MCPH1: variants seen among roughly 807,000 people sequenced by gnomAD.
The protein encoded by MCPH1 is microcephalin 1.
A neutral mutation model predicts 84.5 loss-of-function variants in MCPH1; 104 were observed. That is an observed-to-expected ratio of 1.23 (90% CI 1.05 to 1.45). The LOEUF (loss-of-function observed/expected upper bound fraction) is 1.45, where lower values mean the gene tolerates loss of function less well. Ranked by LOEUF, MCPH1 falls within the 40% of genes most tolerant of loss-of-function variation. The pLI, the probability that MCPH1 is intolerant of heterozygous loss-of-function variation, is 0.00. For missense variants in MCPH1, 1,498 were observed against 1,005.7 expected, an observed-to-expected ratio of 1.49 and a Z score of -6.62; for synonymous variants, 514 against 366.8, an observed-to-expected ratio of 1.40 and a Z score of -4.58.
chr8:6,461,547 C>G (rs1806299899), intron 9 of MCPH1, among the ~76,000 whole-genome samples: 2 of 151,092 alleles, frequency 1.3e-5, no homozygotes, highest in Non-Finnish European at 2.9e-5. Context: ...GCCATGTTGG[C>G]CAGGCTGGTT....
intron 12 of MCPH1, among the ~76,000 whole-genome samples, chr8:6,571,653 A>T (rs909316312): frequency 3.9e-5 from 6 of 152,134 alleles, no homozygotes; most frequent in African/African-American, 1.2e-4. Context: ...TTACATTAAG[A>T]TATATTATCT....
At chr8:6,472,347 T>C (rs983397800) in intron 9 of MCPH1, among the ~76,000 whole-genome samples, 2 of 152,246 alleles carry the variant, frequency 1.3e-5, no homozygotes, top group South Asian at 2.1e-4. Context: ...ATATAACTTA[T>C]CAATAGTAAC....
chr8:6,510,599 G>T (rs1814856929), intron 12 of MCPH1, among the ~76,000 whole-genome samples: 1 of 152,150 alleles, frequency 6.6e-6, no homozygotes. Flanking sequence ...TCTTTGTTTT[G>T]GCACTGAAAG....
chr8:6,598,738 T>A (rs1012527277), intron 12 of MCPH1, among the ~76,000 whole-genome samples: 4 of 152,136 alleles, frequency 2.6e-5, no homozygotes, highest in Admixed American at 2.6e-4. Context: ...GCAGTGCGGC[T>A]CCCCCCTGCG....
At position 6,446,681 on chromosome 8, in the gene MCPH1, C is replaced by A. The variant is rs41314193; in HGVS notation, c.1825+1134C>A. On this transcript the variant is annotated intron_variant, in intron 8 of 13. Coordinates refer to ENST00000344683, the MANE Select transcript of MCPH1 (RefSeq NM_024596.5). ...AAAATTCTTTGGTAGTTAAGAATAT[C>A]CTGTTCTGAGGTTTACATTCTCCAT... The A allele has an allele frequency of 5.5e-3, 5,418 of 984,550 alleles. 18 individuals carry two copies. Among genetic ancestry groups the A allele is most frequent in the Non-Finnish European group, 6.3e-3 (5,188 of 829,234 alleles). 61.0% of individuals were successfully genotyped at this position (984,550 alleles called of 1,614,324 possible).
intron 12 of MCPH1, among the ~76,000 whole-genome samples, chr8:6,526,454 G>A (rs1348009887): frequency 6.6e-6 from 1 of 151,446 alleles, no homozygotes; most frequent in Admixed American, 6.6e-5. Flanking sequence ...ACACAGAAAA[G>A]AAAATGAAAT....
chr8:6,494,362 A>G (rs1811002385), intron 11 of MCPH1: 1 of 152,180 alleles, frequency 6.6e-6, no homozygotes, highest in Non-Finnish European at 1.5e-5. Flanking sequence ...GTAAACCTTG[A>G]TATGGGCATT....
At chr8:6,563,099 T>C in intron 12 of MCPH1, 1 of 673,554 alleles carries the variant, frequency 1.5e-6, no homozygotes, top group Non-Finnish European at 2.4e-6. Context: ...ACCTGGTTTT[T>C]ACTGCTGTGT....
intron 12 of MCPH1, among the ~76,000 whole-genome samples, chr8:6,594,281 C>T (rs773708600): frequency 2.6e-5 from 4 of 152,168 alleles, no homozygotes; most frequent in African/African-American, 4.8e-5. Context: ...TTCAGCAGAG[C>T]GCCATGAGCC....
intron 13 of MCPH1, among the ~76,000 whole-genome samples, chr8:6,624,678 A>AT (rs560951141): frequency 9.9e-5 from 15 of 152,004 alleles, no homozygotes; most frequent in African/African-American, 1.9e-4. Context: ...AGACAAGTAG[A>AT]TTTTTTTGTA....
At chr8:6,633,657 C>T (rs1046603632) in intron 13 of MCPH1, among the ~76,000 whole-genome samples, 4 of 152,088 alleles carry the variant, frequency 2.6e-5, no homozygotes, top group African/African-American at 9.7e-5. Context: ...TATAACTTTT[C>T]CATGCACACC....
At chr8:6,595,896 A>G (rs1828892750) in intron 12 of MCPH1, among the ~76,000 whole-genome samples, 2 of 152,348 alleles carry the variant, frequency 1.3e-5, no homozygotes, top group South Asian at 4.1e-4. Context: ...GGGTGCAACC[A>G]TTTGTTTTCA....
chr8:6,635,394 C>T (rs1797473320), intron 13 of MCPH1: 1 of 152,012 alleles, frequency 6.6e-6, no homozygotes, highest in African/African-American at 2.4e-5. Context: ...GCAATCATGT[C>T]AGCTTATAAA....
intron 12 of MCPH1, among the ~76,000 whole-genome samples, chr8:6,611,807 A>T (rs1196213184): frequency 6.6e-6 from 1 of 151,740 alleles, no homozygotes; most frequent in Non-Finnish European, 1.5e-5. Context: ...TTTAGCGGAG[A>T]CGGGGTTTCA....
At chr8:6,488,973 T>C (rs1321489704) in intron 11 of MCPH1, among the ~76,000 whole-genome samples, 1 of 151,866 alleles carries the variant, frequency 6.6e-6, no homozygotes, top group Non-Finnish European at 1.5e-5. Flanking sequence ...TGTGTGGGAA[T>C]GGAGAAGTCA....
chr8:6,610,196 G>A (rs1006371076), intron 12 of MCPH1, among the ~76,000 whole-genome samples: 4 of 152,176 alleles, frequency 2.6e-5, no homozygotes, highest in Non-Finnish European at 5.9e-5. Flanking sequence ...TTAAATAGAT[G>A]CAGATGTGTG....
chr8:6,528,670 C>G (rs1818851447), intron 12 of MCPH1, among the ~76,000 whole-genome samples: 1 of 152,362 alleles, frequency 6.6e-6, no homozygotes, highest in African/African-American at 2.4e-5. Flanking sequence ...TGCCCTTCAG[C>G]AGGAAGAATC....
At chr8:6,414,365 G>C (rs1026720317) in intron 2 of MCPH1, among the ~76,000 whole-genome samples, 12 of 152,196 alleles carry the variant, frequency 7.9e-5, no homozygotes, top group Admixed American at 5.9e-4. Flanking sequence ...TATGTGTTCT[G>C]TTTTCTCTGT....
intron 4 of MCPH1, among the ~76,000 whole-genome samples, chr8:6,432,567 C>T (rs984575464): frequency 6.6e-6 from 1 of 152,214 alleles, no homozygotes; most frequent in Non-Finnish European, 1.5e-5. Context: ...GGGTACTTTA[C>T]TCTGAAACAT....
Sources: allele counts gnomAD v4.1 joint callset (sites outside exome capture counted in the v4.1 genomes callset), GRCh38; gene constraint gnomAD v4.1.1; transcripts MANE v1.5; gene names NCBI Gene and HGNC (gene_info 2026-07-23, HGNC 2026-07-21).